The following ZNF846 variants were observed in gnomAD, a reference collection of about 807,000 sequenced individuals.
ZNF846 encodes the protein zinc finger protein 420 pseudogene.
Under a neutral mutation model 16.0 loss-of-function variants are expected in ZNF846, and 15 were observed. The ratio of observed to expected loss-of-function variants is 0.94; its 90% confidence interval spans 0.63 to 1.45. The LOEUF (loss-of-function observed/expected upper bound fraction) is 1.45, where lower values mean the gene tolerates loss of function less well. Ranked by LOEUF, ZNF846 falls within the 40% of genes most tolerant of loss-of-function variation. The probability of loss-of-function intolerance (pLI) is 0.00; values close to 1 mark genes in which losing one functional copy is unlikely to be tolerated. For missense variants in ZNF846, 714 were observed against 622.3 expected, an observed-to-expected ratio of 1.15 and a Z score of -1.57; for synonymous variants, 229 against 212.0, an observed-to-expected ratio of 1.08 and a Z score of -0.70.
intron 1 of ZNF846, chr19:9,774,605 G>C: frequency 6.6e-7 from 1 of 1,506,736 alleles, no homozygotes; most frequent in Non-Finnish European, 9.2e-7. Context: ...GACTTAGCAA[G>C]GGCTTATTGT....
chr19:9,755,987 C>T (rs1004374782), downstream of ZNF846, among the ~76,000 whole-genome samples: 1 of 148,116 alleles, frequency 6.8e-6, no homozygotes, highest in African/African-American at 2.6e-5. Context: ...ATTAAAGGCA[C>T]CCGCCACCAT....
chr19:9,756,382 T>TATATATAC (rs1411472302), downstream of ZNF846: 21 of 119,504 alleles, frequency 1.8e-4, no homozygotes, highest in African/African-American at 6.1e-4. Context: ...TATATATATA[T>TATATATAC]ATAAAGACAT....
At chr19:9,764,331 T>C (rs1267774396) in intron 2 of ZNF846, among the ~76,000 whole-genome samples, 1 of 152,222 alleles carries the variant, frequency 6.6e-6, no homozygotes, top group African/African-American at 2.4e-5. Flanking sequence ...CTGATTAATA[T>C]CTTGCTAATC....
rs561031464 is a variant in ZNF846, at chr19:9,785,228, G to T, written c.-86+710C>A. ...TTTTTTTTTTTTTTTTTTTGAGACG[G>T]AGTCTCGCTCTATCACCAGGCTGGA... is the stretch of plus-strand genomic sequence containing the variant. On this transcript the variant is annotated intron_variant, in intron 1 of 4. Coordinates refer to the ZNF846 transcript ENST00000586814. Among the ~76,000 whole-genome samples the T allele has an allele frequency of 4.2e-5, 6 of 141,910 alleles. No homozygotes were observed. In the East Asian group the frequency reaches 1.3e-3, roughly 30 times the overall value. 93.1% of individuals were successfully genotyped at this position (141,910 alleles called of 152,430 possible).
upstream of ZNF846, among the ~76,000 whole-genome samples, chr19:9,771,175 T>TTTTTG (rs774818285): frequency 1.3e-5 from 2 of 151,838 alleles, no homozygotes; most frequent in Non-Finnish European, 2.9e-5. Flanking sequence ...TTTCTATCCT[T>TTTTTG]TTTTGTTTTG....
At chr19:9,756,345 G>GTGTGTGTGTGTGTA (rs1321690890), downstream of ZNF846, 2 of 81,772 alleles carry the variant, frequency 2.4e-5, no homozygotes, top group African/African-American at 1.2e-4. Context: ...GTGTGTGTGT[G>GTGTGTGTGTGTGTA]TATATATATA....
chr19:9,760,015 G>C, intron 4 of ZNF846, 73 bp from the exon 5 acceptor site: 2 of 1,136,288 alleles, frequency 1.8e-6, no homozygotes, highest in Non-Finnish European at 2.6e-6. Flanking sequence ...TATGGGGCTG[G>C]GCGTGGTGGC....
intron 1 of ZNF846, among the ~76,000 whole-genome samples, chr19:9,767,426 C>T (rs925139870): frequency 9.4e-5 from 12 of 127,598 alleles, no homozygotes; most frequent in African/African-American, 1.2e-4. Context: ...TTTAAGTTAC[C>T]GCACCCGGCC....
chr19:9,780,387 G>A (rs144233708), intron 1 of ZNF846, among the ~76,000 whole-genome samples: 50 of 151,966 alleles, frequency 3.3e-4, no homozygotes, highest in Non-Finnish European at 6.3e-4. Flanking sequence ...TTAGTTCTCT[G>A]AAATGTTTTA....
intron 3 of ZNF846, chr19:9,762,466 C>G: frequency 4.1e-6 from 1 of 246,686 alleles, no homozygotes; most frequent in Non-Finnish European, 7.9e-6. Flanking sequence ...GGTGAAACTT[C>G]CTCTCTACTA....
At chr19:9,761,478 T>C (rs939003623) in intron 4 of ZNF846, among the ~76,000 whole-genome samples, 4 of 151,856 alleles carry the variant, frequency 2.6e-5, no homozygotes, top group Non-Finnish European at 5.9e-5. Context: ...TTTGGGAGGC[T>C]GAGGCAGGTG....
At chr19:9,750,126 A>C (rs748896195), downstream of ZNF846, among the ~76,000 whole-genome samples, 6 of 152,126 alleles carry the variant, frequency 3.9e-5, no homozygotes, top group Non-Finnish European at 8.8e-5. Context: ...GGAGCATTCC[A>C]ACTTCACATT....
chr19:9,754,300 C>T (rs1254248609), downstream of ZNF846, among the ~76,000 whole-genome samples: 3 of 151,426 alleles, frequency 2.0e-5, no homozygotes, highest in African/African-American at 7.4e-5. Context: ...CGTGATGGCT[C>T]ATGCCTGTAA....
intron 1 of ZNF846, 48 bp from the exon 2 acceptor site, chr19:9,765,083 G>C (rs1317730834): frequency 1.9e-6 from 2 of 1,031,998 alleles, no homozygotes; most frequent in Non-Finnish European, 3.0e-6. Context: ...CAAAGAAAAA[G>C]TATTTCAGGC....
intron 1 of ZNF846, among the ~76,000 whole-genome samples, chr19:9,776,917 A>T (rs924495430): frequency 2.0e-5 from 3 of 151,846 alleles, no homozygotes; most frequent in Non-Finnish European, 4.4e-5. Context: ...CCTAGTGGGA[A>T]GTTTCTAAAT....
intron 4 of ZNF846, 138 bp from the exon 5 acceptor site, chr19:9,760,080 T>G (rs2045200200): frequency 5.1e-6 from 3 of 584,208 alleles, no homozygotes; most frequent in Admixed American, 6.1e-5. Context: ...TTACCTGAGG[T>G]TAGGAGTTCA....
At chr19:9,781,563 T>C (rs1330163648) in intron 1 of ZNF846, among the ~76,000 whole-genome samples, 1 of 152,038 alleles carries the variant, frequency 6.6e-6, no homozygotes, top group East Asian at 1.9e-4. Flanking sequence ...TCCAGGAAAG[T>C]AGAAACTAAT....
At chr19:9,757,516 G>A (rs2045149688) in exon 6 of ZNF846, 1 of 1,608,722 alleles carries the variant, frequency 6.2e-7, no homozygotes, top group Non-Finnish European at 8.5e-7. Flanking sequence ...TGTTTAGCAA[G>A]TGCTGAAGAT....
chr19:9,767,539 T>C (rs1381174736), intron 1 of ZNF846, among the ~76,000 whole-genome samples: 1 of 152,204 alleles, frequency 6.6e-6, no homozygotes, highest in East Asian at 1.9e-4. Context: ...TGTTCAATAT[T>C]CTGGCCTTTC....
Sources: gnomAD v4.1 joint callset for allele counts (sites outside exome capture counted in the v4.1 genomes callset) on GRCh38, gnomAD v4.1.1 for gene constraint, MANE v1.5 for transcripts, NCBI Gene and HGNC (gene_info 2026-07-23, HGNC 2026-07-21) for gene names.